PDPR: variants seen among roughly 807,000 people sequenced by gnomAD.
PDPR encodes pyruvate dehydrogenase phosphatase regulatory subunit, mitochondrial.
In PDPR, 50 loss-of-function variants were observed where a neutral mutation model predicts 102.2. The ratio of observed to expected loss-of-function variants is 0.49; its 90% CI spans 0.39 to 0.62. The LOEUF is 0.62. PDPR is among the 20% of genes least tolerant of loss of function. PDPR has a pLI of 0.00. For synonymous variants in PDPR, 259 were observed against 406.0 expected (o/e 0.64, Z 4.35); for missense variants, 625 against 1,098.2 (o/e 0.57, Z 6.09).
intron 17 of PDPR, among the ~76,000 whole-genome samples, chr16:70,152,110 G>A (rs554330684): frequency 3.3e-5 from 5 of 152,378 alleles, no homozygotes; most frequent in South Asian, 2.1e-4. Flanking sequence ...TATTCTCCTC[G>A]TCCTGCCGCA....
At chr16:70,135,658 T>A (rs1439362888) in intron 9 of PDPR, among the ~76,000 whole-genome samples, 3 of 152,286 alleles carry the variant, frequency 2.0e-5, no homozygotes, top group African/African-American at 4.8e-5. Context: ...GCTGCTTTCC[T>A]TTCTAACCAA....
chr16:70,156,398 A>G lies in PDPR; in HGVS notation c.2236-77A>G, dbSNP rs1455631619. 3.9e-6 allele frequency: 6 copies of G among 1,539,994 alleles called. No homozygotes were observed. The African/African-American group carries it at 6.9e-5, about 18-fold the overall frequency. On this transcript the variant is annotated intron_variant, in intron 18 of 18. Coordinates refer to ENST00000288050, the MANE Select transcript of PDPR (RefSeq NM_017990.5). ...TGCCCCATTGCAGTGACACCAGGGG[A>G]CCCTTCCCACGGTGCTGCTCTCTGT...
At chr16:70,140,940 A>C (rs1170865820) in intron 11 of PDPR, among the ~76,000 whole-genome samples, 1 of 152,192 alleles carries the variant, frequency 6.6e-6, no homozygotes, top group Non-Finnish European at 1.5e-5. Flanking sequence ...CTGTCTCCCA[A>C]CCTCCCCAAG....
chr16:70,127,160 C>T, intron 3 of PDPR, 100 bp from the exon 4 acceptor site: 2 of 1,538,298 alleles, frequency 1.3e-6, no homozygotes, highest in South Asian at 2.6e-5. Flanking sequence ...CAGCTTGTTT[C>T]CATCTTTTGG....
chr16:70,121,091 C>T (rs1312742627), intron 3 of PDPR, among the ~76,000 whole-genome samples: 1 of 151,866 alleles, frequency 6.6e-6, no homozygotes, highest in Non-Finnish European at 1.5e-5. Context: ...TACCCAGCAA[C>T]ATTTTAGACT....
chr16:70,145,314 T>G (rs1202066310), intron 15 of PDPR, among the ~76,000 whole-genome samples: 2 of 152,316 alleles, frequency 1.3e-5, no homozygotes, highest in East Asian at 3.9e-4. Context: ...ATTTCTGTAT[T>G]TTTAGTAGAG....
At position 70,120,515 on chromosome 16, in the gene PDPR, C is replaced by T. The variant is rs368464758; in HGVS notation, c.23C>T (p.Ser8Leu). Residue 8 changes from serine to leucine, a missense_variant, in exon 3 of 19, where the codon TCG (serine) becomes TTG (leucine). Coordinates refer to ENST00000288050, the MANE Select transcript of PDPR (RefSeq NM_017990.5). ...GACATGATGTTCTACCGGTTGCTGT[C>T]GATTGTTGGAAGACAAAGAGCCAGC... MMFYRLLSIVGRQRASPG... is the reference protein window; with the variant it reads MMFYRLLLIVGRQRASPG... The T allele has an allele frequency of 1.4e-5, 22 of 1,613,680 alleles. No homozygotes were observed. Among genetic ancestry groups the T allele is most frequent in the African/African-American group, 5.3e-5 (4 of 74,926 alleles).
intron 9 of PDPR, among the ~76,000 whole-genome samples, chr16:70,135,904 C>T (rs1226531028): frequency 2.0e-5 from 3 of 152,326 alleles, no homozygotes; most frequent in African/African-American, 7.2e-5. Flanking sequence ...CCCATCTCTA[C>T]TAAAAATACA....
rs1967780006 is a variant in PDPR, at chr16:70,161,413, G to C, written c.*4534G>C. 1 of 153,434 alleles carries C rather than the reference G, an allele frequency of 6.5e-6. No homozygotes were observed. Among genetic ancestry groups the C allele is most frequent in the Non-Finnish European group, 1.4e-5 (1 of 69,030 alleles). The allele number at this position is 153,434 out of a possible 1,614,324, so 9.5% of individuals were successfully genotyped here. ...ACACCCCTCACGAACATTGATATAA[G>C]CAGTATTAACACAGTATAAAGAATG... On this transcript the variant is annotated 3_prime_UTR_variant, in exon 19 of 19. Transcript: ENST00000288050.
At chr16:70,140,323 G>A (rs372596723) in intron 11 of PDPR, among the ~76,000 whole-genome samples, 4 of 152,370 alleles carry the variant, frequency 2.6e-5, no homozygotes, top group East Asian at 3.9e-4. Context: ...AGCCTGGGCA[G>A]TGGGACTGAG....
intron 18 of PDPR, among the ~76,000 whole-genome samples, chr16:70,155,636 C>T (rs1017008207): frequency 5.9e-5 from 9 of 152,346 alleles, no homozygotes; most frequent in Non-Finnish European, 1.2e-4. Context: ...GAGATCCCCC[C>T]GCCTTAGCCT....
intron 17 of PDPR, among the ~76,000 whole-genome samples, chr16:70,150,078 C>G (rs192165612): frequency 6.6e-6 from 1 of 151,406 alleles, no homozygotes; most frequent in Non-Finnish European, 1.5e-5. Context: ...CGTGAGCCAC[C>G]GCACCCGGCC....
chr16:70,132,976 CT>C (rs1964696419), intron 9 of PDPR, among the ~76,000 whole-genome samples: 2 of 152,162 alleles, frequency 1.3e-5, no homozygotes, highest in Non-Finnish European at 2.9e-5. Context: ...CCATGCCTAG[CT>C]AATGTTTAAA....
At chr16:70,141,329 C>A (rs568618158) in intron 11 of PDPR, among the ~76,000 whole-genome samples, 1 of 152,260 alleles carries the variant, frequency 6.6e-6, no homozygotes, top group African/African-American at 2.4e-5. Flanking sequence ...GGTTTACAGA[C>A]GTGAGCCACC....
intron 2 of PDPR, among the ~76,000 whole-genome samples, chr16:70,116,445 T>C (rs1425598392): frequency 6.7e-6 from 1 of 148,698 alleles, no homozygotes; most frequent in Non-Finnish European, 1.5e-5. Flanking sequence ...AGTAGCATAA[T>C]CTCGGCTCAC....
rs1962414188 is a variant in PDPR, at chr16:70,114,389, C to T, written c.-194C>T. 6.6e-6 allele frequency: 1 copy of T among 152,244 alleles called. No homozygotes were observed. The highest frequency in any genetic ancestry group is 2.4e-5 in the African/African-American group (1 of 41,468). 9.4% of individuals were successfully genotyped at this position (152,244 alleles called of 1,614,324 possible). On this transcript the variant is annotated 5_prime_UTR_variant, in exon 1 of 19. Transcript: ENST00000288050. The stretch of plus-strand genomic sequence containing the variant: ...CCCCAGGCAACTGTTGTGGCTGCCG[C>T]ATTGCTCCCGCCGGGCTGTAGCTGA...
upstream of PDPR, chr16:70,113,742 G>A (rs533845564): frequency 7.0e-6 from 1 of 143,562 alleles, no homozygotes; most frequent in African/African-American, 2.5e-5. Context: ...AAGCTGAGAA[G>A]CTGAGAAGAG....
intron 18 of PDPR, among the ~76,000 whole-genome samples, chr16:70,155,491 G>A (rs1278736633): frequency 6.6e-6 from 1 of 152,264 alleles, no homozygotes; most frequent in Non-Finnish European, 1.5e-5. Context: ...TGGCGCATCT[G>A]TGGGCCCAGC....
At chr16:70,124,546 C>T (rs190200262) in intron 3 of PDPR, among the ~76,000 whole-genome samples, 4 of 152,378 alleles carry the variant, frequency 2.6e-5, no homozygotes, top group South Asian at 2.1e-4. Flanking sequence ...CAGACCTCTC[C>T]CCAGAACAAA....
Sources: allele counts gnomAD v4.1 joint callset (sites outside exome capture counted in the v4.1 genomes callset), GRCh38; gene constraint gnomAD v4.1.1; transcripts MANE v1.5; gene names NCBI Gene and HGNC (gene_info 2026-07-23, HGNC 2026-07-21).